The following ERMP1 variants were observed in gnomAD, a reference collection of about 807,000 sequenced individuals.
The protein encoded by ERMP1 is Felix-ina.
Under a neutral mutation model 92.0 loss-of-function variants are expected in ERMP1, and 86 were observed. The ratio of observed to expected loss-of-function variants is 0.93; its 90% CI spans 0.79 to 1.12. ERMP1 has a LOEUF of 1.12. Ranked by LOEUF, ERMP1 falls within the 50% of genes most tolerant of loss-of-function variation. The probability of loss-of-function intolerance (pLI) is 0.00; values close to 1 mark genes in which losing one functional copy is unlikely to be tolerated. For synonymous variants in ERMP1, 530 were observed against 412.8 expected, an observed-to-expected ratio of 1.28 and a Z score of -3.44; for missense variants, 1,342 against 1,116.3, an observed-to-expected ratio of 1.20 and a Z score of -2.88.
chr9:5,855,976 G>T, intron 6 of ERMP1: 1 of 290,860 alleles, frequency 3.4e-6, no homozygotes, highest in South Asian at 4.2e-5. Flanking sequence ...CTTCCTGCTG[G>T]ACTAATGGTT....
At chr9:5,861,406 C>T (rs765608388) in intron 5 of ERMP1, among the ~76,000 whole-genome samples, 1 of 151,424 alleles carries the variant, frequency 6.6e-6, no homozygotes, top group Non-Finnish European at 1.5e-5. Context: ...CAAAATCATA[C>T]TTGCTGGGTT....
intron 10 of ERMP1, among the ~76,000 whole-genome samples, chr9:5,803,523 C>G (rs1353136947): frequency 6.6e-6 from 1 of 152,040 alleles, no homozygotes; most frequent in Non-Finnish European, 1.5e-5. Flanking sequence ...TTTAAATGTC[C>G]CCTATCTGAG....
At chr9:5,790,383 C>G (rs1260577284) in intron 13 of ERMP1, among the ~76,000 whole-genome samples, 1 of 151,378 alleles carries the variant, frequency 6.6e-6, no homozygotes, top group African/African-American at 2.4e-5. Flanking sequence ...AGGAATATAA[C>G]AAATAAAGCA....
intron 5 of ERMP1, among the ~76,000 whole-genome samples, chr9:5,865,853 AAAAAT>A (rs1308547996): frequency 1.3e-5 from 2 of 150,158 alleles, no homozygotes; most frequent in African/African-American, 4.9e-5. Context: ...AAAAAAAAAA[AAAAAT>A]GATAATATAA....
chr9:5,786,836 G>T lies in ERMP1; in HGVS notation c.*308C>A, dbSNP rs1236902405. ...GTACATCTTTCTTGATCCTAAAGGG[G>T]CAGCTATTGAAGTGGATTGTTGGCT... On this transcript the variant is annotated 3_prime_UTR_variant, in exon 15 of 15. Coordinates refer to ENST00000339450, the MANE Select transcript of ERMP1 (RefSeq NM_024896.3). The T allele has an allele frequency of 4.5e-5, 9 of 200,474 alleles. No homozygotes were observed. The highest frequency in any genetic ancestry group is 8.1e-5 in the Non-Finnish European group (8 of 98,288). 12.4% of individuals were successfully genotyped at this position (200,474 alleles called of 1,614,324 possible).
intron 9 of ERMP1, 69 bp downstream of exon 9, chr9:5,805,540 GAA>G: frequency 7.3e-7 from 1 of 1,369,668 alleles, no homozygotes. Context: ...AACCAAAAAA[GAA>G]AGAGTCCCTG....
At chr9:5,854,389 T>G (rs1483626275) in intron 6 of ERMP1, among the ~76,000 whole-genome samples, 2 of 152,190 alleles carry the variant, frequency 1.3e-5, no homozygotes, top group East Asian at 3.8e-4. Context: ...CCAGCTCCAT[T>G]CCCTTTATCA....
At chr9:5,799,418 A>G (rs949758291) in intron 11 of ERMP1, among the ~76,000 whole-genome samples, 5 of 152,202 alleles carry the variant, frequency 3.3e-5, no homozygotes, top group Admixed American at 3.3e-4. Flanking sequence ...GCTCACCACT[A>G]GATGACAGCC....
chr9:5,835,772 C>T (rs1346616663), upstream of ERMP1, among the ~76,000 whole-genome samples: 1 of 152,162 alleles, frequency 6.6e-6, no homozygotes, highest in Non-Finnish European at 1.5e-5. Context: ...ACTCAGTCTC[C>T]ATCCCAGGCA....
intron 5 of ERMP1, among the ~76,000 whole-genome samples, chr9:5,860,640 G>GC (rs1363770107): frequency 6.6e-6 from 1 of 150,542 alleles, no homozygotes; most frequent in East Asian, 1.9e-4. Flanking sequence ...GAGATCGGGG[G>GC]GTCTCACTCT....
At chr9:5,844,977 A>G (rs1178922711) in intron 6 of ERMP1, among the ~76,000 whole-genome samples, 2 of 152,092 alleles carry the variant, frequency 1.3e-5, no homozygotes, top group Non-Finnish European at 2.9e-5. Context: ...CCCCTCTGGT[A>G]GTTTAGCTTG....
At position 5,785,642 on chromosome 9, in the gene ERMP1, G is replaced by C. The variant is rs897414600; in HGVS notation, c.*1502C>G. On this transcript the variant is annotated 3_prime_UTR_variant, in exon 15 of 15. Transcript: ENST00000339450. ...TTTAAAAAGCACATCATACACATGA[G>C]ACAAGCAGCTTCAAGGACGTTTTCT... 20 of 152,808 alleles carry C rather than the reference G, an allele frequency of 1.3e-4. No individual in the cohort carries two copies. The highest frequency in any genetic ancestry group is 4.8e-4 in the African/African-American group (20 of 41,452). 9.5% of individuals were successfully genotyped at this position (152,808 alleles called of 1,614,324 possible).
chr9:5,847,771 T>C (rs1156479009), intron 6 of ERMP1, among the ~76,000 whole-genome samples: 1 of 151,554 alleles, frequency 6.6e-6, no homozygotes, highest in Non-Finnish European at 1.5e-5. Flanking sequence ...GGCAGGCGCC[T>C]GTAGTCCCAG....
rs188844427 is a variant in ERMP1, at chr9:5,850,471, T to G, written n.3199+8997A>C. On this transcript the variant is annotated intron_variant and non_coding_transcript_variant, in intron 6 of 6. Transcript: ENST00000690753. The stretch of plus-strand genomic sequence containing the variant: ...AGAAATAGAAAATTCCCTGGCCTTC[T>G]GGGGTGGTTGGGGGAATTGGGAGGG... 2.0e-5 allele frequency among the ~76,000 whole-genome samples: 3 copies of G among 147,546 alleles called. No individual in the cohort carries two copies. The East Asian group carries it at 6.1e-4, about 30-fold the overall frequency.
At chr9:5,819,562 A>C (rs1427517553) in intron 4 of ERMP1, among the ~76,000 whole-genome samples, 1 of 152,174 alleles carries the variant, frequency 6.6e-6, no homozygotes, top group Non-Finnish European at 1.5e-5. Context: ...TCCCTAAAAA[A>C]TTATGTAATC....
At chr9:5,861,170 GGTGTGTGTGT>G (rs35593711) in intron 5 of ERMP1, among the ~76,000 whole-genome samples, 56 of 102,140 alleles carry the variant, frequency 5.5e-4, no homozygotes, top group Non-Finnish European at 7.1e-4. Flanking sequence ...TGGCTTAGGG[GGTGTGTGTGT>G]GTGTGTGTGT....
intron 4 of ERMP1, among the ~76,000 whole-genome samples, chr9:5,818,159 C>CA (rs563157022): frequency 0.017 from 1,920 of 114,586 alleles, 28 homozygotes; most frequent in African/African-American, 0.049. Flanking sequence ...GATCCTATCT[C>CA]AAAAAAAAAA....
intron 4 of ERMP1, among the ~76,000 whole-genome samples, chr9:5,823,251 T>C (rs1829608243): frequency 6.6e-6 from 1 of 152,098 alleles, no homozygotes; most frequent in Non-Finnish European, 1.5e-5. Context: ...CACTCGAGCC[T>C]GGGTGACAGA....
chr9:5,813,654 A>G (rs984611928), intron 4 of ERMP1, among the ~76,000 whole-genome samples: 1 of 151,984 alleles, frequency 6.6e-6, no homozygotes. Flanking sequence ...TGGATTTCAA[A>G]TTTTCAGATT....
Sources: allele counts gnomAD v4.1 joint callset (sites outside exome capture counted in the v4.1 genomes callset), GRCh38; gene constraint gnomAD v4.1.1; transcripts MANE v1.5; gene names NCBI Gene and HGNC (gene_info 2026-07-23, HGNC 2026-07-21).